Variants in SMG7 observed in about 807,000 individuals in gnomAD.
SMG7 encodes SMG7 nonsense mediated mRNA decay factor.
In SMG7, 34 loss-of-function variants were observed where a neutral mutation model predicts 148.2. That is an observed-to-expected ratio of 0.23 (90% confidence interval 0.17 to 0.31). The LOEUF is 0.31. Ranked by LOEUF, SMG7 falls within the 10% of genes least tolerant of loss-of-function variation. SMG7 has a pLI of 1.00. For synonymous variants in SMG7, 492 were observed against 515.1 expected (o/e 0.96, Z 0.61); for missense variants, 1,114 against 1,408.4 (o/e 0.79, Z 3.35).
At chr1:183,476,665 A>C (rs1652256692) in intron 1 of SMG7, among the ~76,000 whole-genome samples, 1 of 152,158 alleles carries the variant, frequency 6.6e-6, no homozygotes, top group Non-Finnish European at 1.5e-5. Context: ...AGGATAATGA[A>C]ATTTTTTGTT....
intron 4 of SMG7, among the ~76,000 whole-genome samples, chr1:183,522,177 T>C (rs1442161952): frequency 5.3e-5 from 8 of 152,176 alleles, no homozygotes; most frequent in East Asian, 1.9e-4. Context: ...TTAAAGTAGA[T>C]GCCTGTTTGA....
intron 1 of SMG7, among the ~76,000 whole-genome samples, chr1:183,497,496 G>A (rs1216457168): frequency 6.6e-6 from 1 of 152,170 alleles, no homozygotes; most frequent in Non-Finnish European, 1.5e-5. Context: ...GTGATTCATT[G>A]GGGGCAGTTA....
chr1:183,510,407 AT>A (rs1290701961), intron 1 of SMG7, among the ~76,000 whole-genome samples: 5 of 150,512 alleles, frequency 3.3e-5, no homozygotes, highest in East Asian at 1.9e-4. Context: ...GCAAATATGT[AT>A]TTTTTTTTAA....
intron 4 of SMG7, 82 bp from the exon 5 acceptor site, chr1:183,526,514 T>G (rs1385471891): frequency 1.2e-6 from 1 of 850,840 alleles, no homozygotes; most frequent in African/African-American, 1.7e-5. Context: ...TATGTGGTAC[T>G]AGGTACACAT....
In SMG7 at chr1:183,518,293, G is replaced by A. The variant is rs550517327; in HGVS notation, c.312+473G>A. On this transcript the variant is annotated intron_variant, in intron 4 of 22. Coordinates refer to ENST00000688051, the MANE Select transcript of SMG7 (RefSeq NM_001375584.1). The stretch of plus-strand genomic sequence containing the variant: ...CCATAAGACCTTTAAAAAAAAAAAC[G>A]CTGTGCTTTTAAAAGGGTTGATGTT... 3.3e-5 allele frequency among the ~76,000 whole-genome samples: 5 copies of A among 151,740 alleles called. No individual in the cohort carries two copies. In the South Asian group the frequency reaches 8.3e-4, roughly 25 times the overall value.
intron 4 of SMG7, 105 bp from the exon 5 acceptor site, chr1:183,526,490 TC>T: frequency 7.3e-6 from 5 of 684,028 alleles, no homozygotes; most frequent in Non-Finnish European, 1.2e-5. Flanking sequence ...CAGTTTTTGT[TC>T]AGATTTCAGC....
intron 1 of SMG7, among the ~76,000 whole-genome samples, chr1:183,505,147 G>A (rs552769933): frequency 2.0e-5 from 3 of 149,586 alleles, no homozygotes; most frequent in East Asian, 3.9e-4. Flanking sequence ...CTGTTTAGCC[G>A]TGGCCTCCAT....
chr1:183,479,446 C>T (rs1363851533), intron 1 of SMG7, among the ~76,000 whole-genome samples: 1 of 152,154 alleles, frequency 6.6e-6, no homozygotes, highest in African/African-American at 2.4e-5. Context: ...AATTCACCCC[C>T]AGTTGAGAAC....
intron 1 of SMG7, among the ~76,000 whole-genome samples, chr1:183,478,433 G>T (rs187277097): frequency 1.3e-5 from 2 of 152,200 alleles, no homozygotes; most frequent in Admixed American, 6.5e-5. Flanking sequence ...CTTGGATATT[G>T]TCTGACTAAA....
intron 5 of SMG7, 47 bp downstream of exon 5, chr1:183,526,814 T>A (rs1488029340): frequency 1.3e-6 from 2 of 1,504,212 alleles, no homozygotes; most frequent in Admixed American, 2.0e-5. Context: ...CTCCTTTTCT[T>A]TGGAATAGTC....
At chr1:183,508,491 C>G (rs994053508) in intron 1 of SMG7, among the ~76,000 whole-genome samples, 2 of 152,084 alleles carry the variant, frequency 1.3e-5, no homozygotes, top group African/African-American at 4.8e-5. Context: ...CATGCCTGGC[C>G]TATTTTTTTC....
Position 183,552,627 on chromosome 1 carries a change from T to C in SMG7, c.*696T>C. 1 of 1,050,786 alleles carries C rather than the reference T, an allele frequency of 9.5e-7. No individual in the cohort carries two copies. The highest frequency in any genetic ancestry group is 3.5e-5 in the South Asian group (1 of 28,976). 65.1% of individuals were successfully genotyped at this position (1,050,786 alleles called of 1,614,324 possible). ...CTGGCCAGGAGACTCCAGCAGGGAA[T>C]GCCCTTCACTCTGTAGGTGCTCGAG... On this transcript the variant is annotated 3_prime_UTR_variant, in exon 23 of 23. Transcript: ENST00000688051.
chr1:183,553,228 GAA>G lies in SMG7; in HGVS notation c.*1299_*1300del, dbSNP rs1671337253. 3 of 1,512,718 alleles carry G rather than the reference GAA, an allele frequency of 2.0e-6. No individual in the cohort carries two copies. The highest frequency in any genetic ancestry group is 2.7e-6 in the Non-Finnish European group (3 of 1,129,090). The allele number at this position is 1,512,718 out of a possible 1,614,324, so 93.7% of individuals were successfully genotyped here. A position where few individuals can be genotyped will look rare whatever the true frequency, so the allele number is the denominator to read the frequency against. ...CTCTTTGTATGATATTTATTAGGAG[GAA>G]AGAGGACTGAAAATGTTCTTGTGTA... On this transcript the variant is annotated 3_prime_UTR_variant, in exon 23 of 23. Coordinates refer to ENST00000688051, the MANE Select transcript of SMG7 (RefSeq NM_001375584.1).
chr1:183,544,327 G>A, intron 14 of SMG7, 26 bp from the exon 15 acceptor site: 6 of 1,600,878 alleles, frequency 3.7e-6, no homozygotes, highest in Non-Finnish European at 5.1e-6. Context: ...ATTTATTATA[G>A]ATAGTTTTGC....
At chr1:183,479,458 A>G (rs1444708361) in intron 1 of SMG7, among the ~76,000 whole-genome samples, 3 of 152,134 alleles carry the variant, frequency 2.0e-5, no homozygotes, top group Non-Finnish European at 4.4e-5. Flanking sequence ...GTTGAGAACC[A>G]CTGATTTAGA....
chr1:183,478,949 G>C (rs759077586), intron 1 of SMG7, among the ~76,000 whole-genome samples: 3 of 152,122 alleles, frequency 2.0e-5, no homozygotes, highest in Admixed American at 6.6e-5. Context: ...TTTAGTTGCT[G>C]TATTGTTATG....
At position 183,472,658 on chromosome 1, in the gene SMG7, C is replaced by G. The variant is rs1247692434; in HGVS notation, c.29+9C>G. 1.1e-5 allele frequency: 16 copies of G among 1,464,360 alleles called. No individual in the cohort carries two copies. Among genetic ancestry groups the G allele is most frequent in the Middle Eastern group, 2.0e-4 (1 of 5,108 alleles). The allele number at this position is 1,464,360 out of a possible 1,614,324, so 90.7% of individuals were successfully genotyped here. A position where few individuals can be genotyped will look rare whatever the true frequency, so the allele number is the denominator to read the frequency against. On this transcript the variant is annotated intron_variant, in intron 1 of 22. Transcript: ENST00000688051. The stretch of plus-strand genomic sequence containing the variant: ...AGCGCGCAGTACCTCCGGTGAGTGC[C>G]GAGGCCGGGCTGGTACGTAGGGGGA...
intron 19 of SMG7, 82 bp downstream of exon 19, chr1:183,549,370 G>GT: frequency 2.0e-6 from 2 of 1,023,842 alleles, no homozygotes; most frequent in Non-Finnish European, 1.5e-6. Flanking sequence ...CAGTATGTCT[G>GT]TTTTTTCTTT....
At chr1:183,536,445 C>T (rs1667805695) in intron 10 of SMG7, among the ~76,000 whole-genome samples, 1 of 152,018 alleles carries the variant, frequency 6.6e-6, no homozygotes, top group African/African-American at 2.4e-5. Flanking sequence ...GATTTTGATA[C>T]AAATGTTTAT....
Sources: gnomAD v4.1 joint callset for allele counts (sites outside exome capture counted in the v4.1 genomes callset) on GRCh38, gnomAD v4.1.1 for gene constraint, MANE v1.5 for transcripts, NCBI Gene and HGNC (gene_info 2026-07-23, HGNC 2026-07-21) for gene names.